IFT56: variants seen among roughly 807,000 people sequenced by gnomAD.
The protein encoded by IFT56 is intraflagellar transport 56, also known as intraflagellar transport protein 56.
the IFT56 span, among the ~76,000 whole-genome samples, chr7:139,161,743 T>C: frequency 7.7e-3 from 1,180 of 152,350 alleles, 26 homozygotes; most frequent in East Asian, 0.073. Context: ...CTCTATTCAG[T>C]TACTAAATCC....
At chr7:139,156,986 C>T in the IFT56 span, among the ~76,000 whole-genome samples, 1 of 152,056 alleles carries the variant, frequency 6.6e-6, no homozygotes, top group Non-Finnish European at 1.5e-5. Context: ...CTAAAACAAG[C>T]CTGCCAAATC....
chr7:139,150,270 A>G, the IFT56 span, among the ~76,000 whole-genome samples: 1 of 152,200 alleles, frequency 6.6e-6, no homozygotes, highest in African/African-American at 2.4e-5. Flanking sequence ...GCAATTTGGT[A>G]TCTTTAGAGT....
the IFT56 span, chr7:139,174,242 C>T: frequency 1.7e-6 from 1 of 586,754 alleles, no homozygotes; most frequent in Non-Finnish European, 3.4e-6. Flanking sequence ...CCTTTTTTGT[C>T]TTTCCCAACA....
the IFT56 span, chr7:139,187,339 T>C: frequency 6.4e-7 from 1 of 1,569,260 alleles, no homozygotes. Flanking sequence ...CATGTTATCT[T>C]TATGTTCAGG....
chr7:139,146,766 CAAAAA>C, the IFT56 span, among the ~76,000 whole-genome samples: 1 of 88,736 alleles, frequency 1.1e-5, no homozygotes, highest in African/African-American at 3.4e-5. Context: ...GACTCCGTTT[CAAAAA>C]AAAAAAAAAA....
At chr7:139,134,512 G>T in the IFT56 span, 1 of 806,660 alleles carries the variant, frequency 1.2e-6, no homozygotes, top group Non-Finnish European at 1.8e-6. Context: ...CTCGTGATCC[G>T]CCGCCTTCGC....
At chr7:139,187,598 A>G in the IFT56 span, 1 of 1,580,752 alleles carries the variant, frequency 6.3e-7, no homozygotes, top group Non-Finnish European at 8.7e-7. Context: ...GAGGGAAAAT[A>G]CTTGTTCTCT....
the IFT56 span, among the ~76,000 whole-genome samples, chr7:139,139,091 C>T: frequency 9.7e-3 from 1,471 of 152,288 alleles, 19 homozygotes; most frequent in Middle Eastern, 0.02. Flanking sequence ...GGATTACAGG[C>T]GTGAGCCACT....
At chr7:139,160,931 T>C in the IFT56 span, 2 of 1,608,152 alleles carry the variant, frequency 1.2e-6, no homozygotes, top group Non-Finnish European at 1.7e-6. Context: ...CATAAGCCTT[T>C]CTTCTTTAAA....
chr7:139,135,430 A>G, the IFT56 span, among the ~76,000 whole-genome samples: 1 of 152,194 alleles, frequency 6.6e-6, no homozygotes, highest in Non-Finnish European at 1.5e-5. Context: ...ACCCTTGACC[A>G]ATGTATGATT....
the IFT56 span, chr7:139,187,666 AG>A: frequency 8.2e-7 from 1 of 1,222,826 alleles, no homozygotes; most frequent in Non-Finnish European, 1.1e-6. Context: ...GATGAAAAAA[AG>A]GTTGATATTA....
the IFT56 span, among the ~76,000 whole-genome samples, chr7:139,177,630 G>GTGTGTGTGTGTGTGTA: frequency 6.6e-6 from 1 of 150,796 alleles, no homozygotes; most frequent in Admixed American, 6.6e-5. Context: ...GTGTGTGTGT[G>GTGTGTGTGTGTGTGTA]TATATATATC....
the IFT56 span, among the ~76,000 whole-genome samples, chr7:139,151,328 A>G: frequency 6.6e-6 from 1 of 152,230 alleles, no homozygotes; most frequent in Non-Finnish European, 1.5e-5. Flanking sequence ...GATGGCAAAC[A>G]GATGATGAAA....
the IFT56 span, among the ~76,000 whole-genome samples, chr7:139,186,079 A>G: frequency 6.6e-6 from 1 of 151,076 alleles, no homozygotes; most frequent in Non-Finnish European, 1.5e-5. Flanking sequence ...GTTGCCCAGC[A>G]ATTTGAAGCC....
At chr7:139,138,811 C>CTTTT in the IFT56 span, among the ~76,000 whole-genome samples, 7 of 136,502 alleles carry the variant, frequency 5.1e-5, no homozygotes, top group East Asian at 2.1e-4. Context: ...TATGGATTTA[C>CTTTT]TTTTTTTTTT....
the IFT56 span, among the ~76,000 whole-genome samples, chr7:139,176,865 G>A: frequency 6.6e-6 from 1 of 151,984 alleles, no homozygotes; most frequent in Non-Finnish European, 1.5e-5. Flanking sequence ...GTCTAGTAGG[G>A]CAGATGGATC....
At chr7:139,165,692 G>A in the IFT56 span, among the ~76,000 whole-genome samples, 2 of 152,134 alleles carry the variant, frequency 1.3e-5, no homozygotes, top group African/African-American at 4.8e-5. Context: ...GATTCAAAGA[G>A]GATGTGATAT....
At chr7:139,173,919 T>G in the IFT56 span, 1 of 704,822 alleles carries the variant, frequency 1.4e-6, no homozygotes, top group Non-Finnish European at 2.7e-6. Flanking sequence ...CACTTCAGTC[T>G]TTTCTTCAAT....
the IFT56 span, among the ~76,000 whole-genome samples, chr7:139,187,136 G>C: frequency 6.7e-6 from 1 of 148,542 alleles, no homozygotes. Flanking sequence ...GCTGATTGTA[G>C]CATAATTTGA....
Sources: allele counts gnomAD v4.1 joint callset (sites outside exome capture counted in the v4.1 genomes callset), GRCh38; gene constraint gnomAD v4.1.1; transcripts MANE v1.5; gene names NCBI Gene and HGNC (gene_info 2026-07-23, HGNC 2026-07-21).